Variants in SPATC1 observed in about 807,000 individuals in gnomAD.
SPATC1 encodes spermatogenesis and centriole associated 1.
SPATC1 carries 35 observed loss-of-function variants against 36.5 expected under a neutral mutation model. That is an observed-to-expected ratio of 0.96 (90% CI 0.73 to 1.27). SPATC1 has a LOEUF of 1.27. Ranked by LOEUF, SPATC1 falls within the 50% of genes most tolerant of loss-of-function variation. SPATC1 has a pLI of 0.00. For synonymous variants in SPATC1, 361 were observed against 353.6 expected (o/e 1.02, Z -0.24); for missense variants, 779 against 796.0 (o/e 0.98, Z 0.26).
rs1350617483 is a variant in SPATC1, at chr8:144,045,219, C to G, written c.1447-1408C>G. 6.6e-6 allele frequency among the ~76,000 whole-genome samples: 1 copy of G among 152,166 alleles called. No individual in the cohort carries two copies. Among genetic ancestry groups the G allele is most frequent in the Admixed American group, 6.5e-5 (1 of 15,282 alleles). ...GCTGAACCTCAATGGTGTCTTCCTG[C>G]CCCCCACAACTGTGCATATTACTCG... On this transcript the variant is annotated intron_variant, in intron 4 of 4. Coordinates refer to ENST00000377470, the MANE Select transcript of SPATC1 (RefSeq NM_198572.3). The surrounding 1 kb of genome is among the most constrained non-coding windows in gnomAD (Gnocchi z 5.2).
chr8:144,044,551 G>C (rs530557375), intron 4 of SPATC1, among the ~76,000 whole-genome samples: 1 of 149,062 alleles, frequency 6.7e-6, no homozygotes, highest in South Asian at 2.1e-4. Flanking sequence ...CTCGTGATCC[G>C]CCCGCCTCAG....
intron 1 of SPATC1, among the ~76,000 whole-genome samples, chr8:144,030,502 G>A (rs1834772140): frequency 6.6e-6 from 1 of 152,154 alleles, no homozygotes; most frequent in Admixed American, 6.5e-5. Flanking sequence ...GGGATTACAG[G>A]CATCAGCCAC....
intron 4 of SPATC1, among the ~76,000 whole-genome samples, chr8:144,042,412 T>C (rs2129666347): frequency 6.9e-6 from 1 of 143,974 alleles, no homozygotes; most frequent in South Asian, 2.3e-4. Context: ...CTCTGCCTCC[T>C]GGGTTCAAGC....
chr8:144,042,313 T>A (rs868911529), intron 4 of SPATC1, among the ~76,000 whole-genome samples: 377 of 41,970 alleles, frequency 9.0e-3, no homozygotes, highest in Middle Eastern at 0.011. Context: ...ATATATATAT[T>A]TTTTTTTTTT....
In SPATC1 at chr8:144,040,985, C is replaced by G. The variant is rs782389562; in HGVS notation, c.1184C>G (p.Ser395Cys). Residue 395 changes from serine (S) to cysteine (C), a missense_variant, in exon 3 of 5, where the codon TCC (serine) becomes TGC (cysteine). Ser to Cys is a moderately radical substitution (Grantham distance 112). Coordinates refer to ENST00000377470, the MANE Select transcript of SPATC1 (RefSeq NM_198572.3). ...NAHSPPRTSS[S>C]PASVNDSRGP... Reference sequence around the variant, plus strand: ...CACTCCCCACCTCGTACCTCATCCTCCCCGGCTTCAGTCAATGACTCTCGA... The same window carrying G: ...CACTCCCCACCTCGTACCTCATCCTGCCCGGCTTCAGTCAATGACTCTCGA... 1.9e-6 allele frequency: 3 copies of G among 1,612,416 alleles called. No homozygotes were observed. In the East Asian group the frequency reaches 6.7e-5, roughly 36 times the overall value.
At chr8:144,026,267 A>C (rs1363055057) in intron 1 of SPATC1, among the ~76,000 whole-genome samples, 1 of 152,176 alleles carries the variant, frequency 6.6e-6, no homozygotes, top group African/African-American at 2.4e-5. Flanking sequence ...TCCTGGCTAT[A>C]GTTAGGGTTT....
At chr8:144,035,157 C>A (rs1298243013) in intron 1 of SPATC1, among the ~76,000 whole-genome samples, 1 of 152,188 alleles carries the variant, frequency 6.6e-6, no homozygotes, top group Non-Finnish European at 1.5e-5. Flanking sequence ...CTGGCATCTG[C>A]CCCCTGCTCT....
intron 1 of SPATC1, among the ~76,000 whole-genome samples, chr8:144,013,091 T>A (rs1355942341): frequency 6.6e-6 from 1 of 152,146 alleles, no homozygotes; most frequent in African/African-American, 2.4e-5. Flanking sequence ...CTCTGCTTAT[T>A]TAAGCCTCTA....
chr8:144,024,153 T>C (rs921460398), intron 1 of SPATC1, among the ~76,000 whole-genome samples: 30,124 of 74,068 alleles, frequency 0.41, 6,203 homozygotes, highest in African/African-American at 0.64. Context: ...TAGACCATCT[T>C]TCCCCAGGAC....
Position 144,040,286 on chromosome 8 carries a change from AG to A in SPATC1, c.590del (p.Ser197ThrfsTer22). The A allele has an allele frequency of 6.2e-7, 1 of 1,612,758 alleles. No individual in the cohort carries two copies. Among genetic ancestry groups the A allele is most frequent in the East Asian group, 2.2e-5 (1 of 44,874 alleles). On this transcript the variant is annotated frameshift_variant, in exon 2 of 5. Transcript: ENST00000377470. LOFTEE classifies it high-confidence loss of function. ...VMGTVAVSLS[S>X]PLLSSTATPP... ...GGGCACGGTGGCTGTCTCTCTGAGC[AG>A]CCCCCTCCTCAGCTCCACTGCCACC...
chr8:144,023,015 C>T (rs1266344264), intron 1 of SPATC1, among the ~76,000 whole-genome samples: 14 of 125,906 alleles, frequency 1.1e-4, no homozygotes, highest in Non-Finnish European at 2.3e-4. Flanking sequence ...CCCTCAAGAC[C>T]CTCTTCCCTG....
chr8:144,028,965 C>T (rs916227428), intron 1 of SPATC1, among the ~76,000 whole-genome samples: 5 of 152,042 alleles, frequency 3.3e-5, no homozygotes, highest in African/African-American at 7.2e-5. Context: ...GAAAGCCAAA[C>T]ACTGCATGTT....
chr8:144,041,517 G>A (rs2129656262), intron 4 of SPATC1, 146 bp downstream of exon 4: 5 of 1,075,922 alleles, frequency 4.6e-6, no homozygotes, highest in Middle Eastern at 2.3e-4. Context: ...CCAACGGCCT[G>A]CAGGTGTTGG....
At chr8:144,037,736 T>C (rs1834944177) in intron 1 of SPATC1, among the ~76,000 whole-genome samples, 1 of 151,664 alleles carries the variant, frequency 6.6e-6, no homozygotes. Context: ...TCTGCTGACC[T>C]TCCCTCCACT....
chr8:144,040,896 T>C lies in SPATC1; in HGVS notation c.1095T>C (p.Pro365=). ...THIAQGAPHP[P]SRMHNSPTQN... ...TCGCCCAGGGTGCCCCCCATCCCCC[T>C]TCCCGAATGCATAATTCCCCAACCC... The change falls in exon 3 of 5, where the codon CCT becomes CCC. Residue 365 remains proline, a synonymous_variant. Coordinates refer to ENST00000377470, the MANE Select transcript of SPATC1 (RefSeq NM_198572.3). 2.8e-6 allele frequency: 4 copies of C among 1,409,712 alleles called. No homozygotes were observed. Among genetic ancestry groups the C allele is most frequent in the African/African-American group, 1.9e-5 (1 of 53,198 alleles). The allele number at this position is 1,409,712 out of a possible 1,614,324, so 87.3% of individuals were successfully genotyped here. A position where few individuals can be genotyped will look rare whatever the true frequency, so the allele number is the denominator to read the frequency against.
chr8:144,014,401 G>C (rs1554752864), intron 1 of SPATC1, among the ~76,000 whole-genome samples: 1 of 149,634 alleles, frequency 6.7e-6, no homozygotes, highest in Non-Finnish European at 1.5e-5. Context: ...AGAAGAACAA[G>C]AAGAAGAAGG....
intron 1 of SPATC1, among the ~76,000 whole-genome samples, chr8:144,020,965 T>C (rs1413397203): frequency 9.3e-6 from 1 of 108,086 alleles, no homozygotes; most frequent in Non-Finnish European, 1.9e-5. Context: ...CTCAGTACTT[T>C]CCCCCTCAAG....
intron 3 of SPATC1, 51 bp from the exon 4 acceptor site, chr8:144,041,181 C>T: frequency 4.4e-6 from 7 of 1,606,590 alleles, no homozygotes; most frequent in Non-Finnish European, 6.0e-6. Context: ...GGCTGCTGAG[C>T]CCAGCTCCTC....
chr8:144,039,850 C>A, intron 1 of SPATC1, 59 bp from the exon 2 acceptor site: 2 of 1,552,082 alleles, frequency 1.3e-6, no homozygotes, highest in Non-Finnish European at 1.8e-6. Flanking sequence ...CCTGTGACCA[C>A]CCTCGCCGTG....
Sources: allele counts gnomAD v4.1 joint callset (sites outside exome capture counted in the v4.1 genomes callset), GRCh38; gene constraint gnomAD v4.1.1; non-coding constraint Gnocchi (gnomAD v3.1); transcripts MANE v1.5; gene names NCBI Gene and HGNC (gene_info 2026-07-23, HGNC 2026-07-21).